Variants in COLEC10 observed in about 807,000 individuals in gnomAD.
COLEC10 encodes the protein collectin-10.
Under a neutral mutation model 28.4 loss-of-function variants are expected in COLEC10, and 22 were observed. The ratio of observed to expected loss-of-function variants is 0.78; its 90% confidence interval spans 0.55 to 1.11. The LOEUF (loss-of-function observed/expected upper bound fraction) is 1.11. Ranked by LOEUF, COLEC10 falls within the 50% of genes least tolerant of loss-of-function variation. The probability of loss-of-function intolerance (pLI) is 0.00; values close to 1 mark genes in which losing one functional copy is unlikely to be tolerated. For missense variants in COLEC10, 361 were observed against 344.1 expected (o/e 1.05, Z -0.39); for synonymous variants, 125 against 116.1 (o/e 1.08, Z -0.49).
chr8:118,961,834 G>T, the COLEC10 span, among the ~76,000 whole-genome samples: 2 of 152,138 alleles, frequency 1.3e-5, no homozygotes, highest in African/African-American at 4.8e-5. Context: ...GATTTCAATG[G>T]GAATTTTGGT....
chr8:118,959,927 A>G, the COLEC10 span, among the ~76,000 whole-genome samples: 1 of 152,262 alleles, frequency 6.6e-6, no homozygotes. Context: ...GCAGAAAGTC[A>G]GAAGGCATAA....
chr8:119,072,625 C>T (rs1434358955), intron 1 of COLEC10, among the ~76,000 whole-genome samples: 1 of 152,060 alleles, frequency 6.6e-6, no homozygotes, highest in Non-Finnish European at 1.5e-5. Flanking sequence ...CCAGAGAGGC[C>T]CCTACACAGT....
chr8:119,005,307 C>A (rs796278496), intron 1 of COLEC10, among the ~76,000 whole-genome samples: 3 of 152,136 alleles, frequency 2.0e-5, no homozygotes, highest in African/African-American at 7.2e-5. Flanking sequence ...TTATTTTAAT[C>A]ACAGTCACAT....
At chr8:119,070,507 C>T in intron 1 of COLEC10, among the ~76,000 whole-genome samples, 1 of 89,266 alleles carries the variant, frequency 1.1e-5, no homozygotes, top group Non-Finnish European at 2.3e-5. Flanking sequence ...CTCTCTCTCT[C>T]TCCCCCCTCC....
At chr8:119,054,427 G>A (rs185158271) in intron 2 of COLEC10, among the ~76,000 whole-genome samples, 15 of 152,194 alleles carry the variant, frequency 9.9e-5, no homozygotes, top group Admixed American at 5.9e-4. Context: ...ATATAAAGAC[G>A]TTTGTATTTT....
intron 2 of COLEC10, among the ~76,000 whole-genome samples, chr8:119,046,907 G>C (rs1814596363): frequency 6.6e-6 from 1 of 151,988 alleles, no homozygotes; most frequent in Admixed American, 6.5e-5. Flanking sequence ...GCTAGTCGGT[G>C]GTCCTAATAT....
intron 1 of COLEC10, among the ~76,000 whole-genome samples, chr8:119,070,458 T>G (rs556866144): frequency 0.023 from 3,192 of 135,944 alleles, 259 homozygotes; most frequent in African/African-American, 0.091. Flanking sequence ...TCTCTCTCTC[T>G]CTCTCTCTCT....
rs530883153 is a variant in COLEC10 at position 119,010,922 on chromosome 8, G to A, written n.235+1369G>A. ...ACAGTCCTTATAAGATATGTCTTAC[G>A]TCTTTCTCTCAGTGTGTGATTCTCT... On this transcript the variant is annotated intron_variant and non_coding_transcript_variant, in intron 2 of 6. Coordinates refer to the COLEC10 transcript ENST00000521788. Among the ~76,000 whole-genome samples the A allele has an allele frequency of 3.1e-4, 47 of 151,028 alleles. No individual in the cohort carries two copies. The South Asian group carries it at 5.4e-3, about 17-fold the overall frequency.
Position 119,067,555 on chromosome 8 carries a change from A to G in COLEC10, c.148+126A>G, listed in dbSNP as rs149623925. On this transcript the variant is annotated intron_variant, in intron 1 of 5. Transcript: ENST00000332843. ...CCTAGTTTCCTCCCATTTTCCTTCT[A>G]TTTTGGAAAATCAGGATTTTCCAGA... 398 of 898,154 alleles carry G rather than the reference A, an allele frequency of 4.4e-4. 4 individuals carry two copies. The highest frequency in any genetic ancestry group is 4.4e-3 in the African/African-American group (260 of 58,980). The allele number at this position is 898,154 out of a possible 1,614,324, so 55.6% of individuals were successfully genotyped here.
the COLEC10 span, among the ~76,000 whole-genome samples, chr8:118,987,390 C>T: frequency 6.6e-6 from 1 of 152,082 alleles, no homozygotes; most frequent in Admixed American, 6.6e-5. Context: ...AGGGCAAAAC[C>T]CTGTCTCTAC....
At chr8:119,021,462 A>G (rs1814093281) in intron 2 of COLEC10, among the ~76,000 whole-genome samples, 1 of 152,174 alleles carries the variant, frequency 6.6e-6, no homozygotes, top group Non-Finnish European at 1.5e-5. Flanking sequence ...CATGTCCTCT[A>G]CAATCAGTGC....
At chr8:119,103,736 A>G in intron 4 of COLEC10, 64 bp from the exon 5 acceptor site, 1 of 943,442 alleles carries the variant, frequency 1.1e-6, no homozygotes, top group South Asian at 1.3e-5. Context: ...AAAGAGAGCA[A>G]ATGTTCCTTT....
intron 4 of COLEC10, among the ~76,000 whole-genome samples, chr8:119,103,530 C>T (rs1457286602): frequency 6.6e-6 from 1 of 151,948 alleles, no homozygotes; most frequent in Admixed American, 6.6e-5. Context: ...AATGTGTATG[C>T]AGTGGTTGTC....
upstream of COLEC10, among the ~76,000 whole-genome samples, chr8:118,991,811 G>T (rs972103469): frequency 2.0e-5 from 3 of 152,000 alleles, no homozygotes; most frequent in African/African-American, 7.2e-5. Context: ...TTATGGCCAG[G>T]TACTGAGATA....
intron 2 of COLEC10, among the ~76,000 whole-genome samples, chr8:119,053,624 T>C (rs1180034912): frequency 2.6e-5 from 4 of 151,654 alleles, no homozygotes; most frequent in Non-Finnish European, 5.9e-5. Context: ...AAGTCCATTC[T>C]CCATTTGTGT....
the COLEC10 span, among the ~76,000 whole-genome samples, chr8:118,979,473 A>G: frequency 6.6e-6 from 1 of 152,110 alleles, no homozygotes; most frequent in Non-Finnish European, 1.5e-5. Flanking sequence ...AATAATAATA[A>G]TAATAACTTT....
chr8:118,975,220 A>C, the COLEC10 span, among the ~76,000 whole-genome samples: 1 of 152,074 alleles, frequency 6.6e-6, no homozygotes, highest in Non-Finnish European at 1.5e-5. Context: ...ATAGATATTA[A>C]ATATTTAAAT....
chr8:119,006,982 T>C (rs1563714818), intron 1 of COLEC10, among the ~76,000 whole-genome samples: 5 of 152,100 alleles, frequency 3.3e-5, no homozygotes, highest in Non-Finnish European at 7.4e-5. Flanking sequence ...ATATAAACAA[T>C]GTATAAAACT....
chr8:119,028,258 T>C (rs1019110780), intron 2 of COLEC10, among the ~76,000 whole-genome samples: 1 of 152,168 alleles, frequency 6.6e-6, no homozygotes, highest in African/African-American at 2.4e-5. Context: ...TATCATATAT[T>C]ACATTGAAAT....
Sources: gnomAD v4.1 joint callset for allele counts (sites outside exome capture counted in the v4.1 genomes callset) on GRCh38, gnomAD v4.1.1 for gene constraint, MANE v1.5 for transcripts, NCBI Gene and HGNC (gene_info 2026-07-23, HGNC 2026-07-21) for gene names.